LRP2: variants seen among roughly 807,000 people sequenced by gnomAD.
LRP2 encodes the protein low-density lipoprotein receptor-related protein 2.
Under a neutral mutation model 531.0 loss-of-function variants are expected in LRP2, and 172 were observed. That is an observed-to-expected ratio of 0.32 (90% CI 0.29 to 0.37). The LOEUF is 0.37. Ranked by LOEUF, LRP2 falls within the 10% of genes least tolerant of loss-of-function variation. The pLI, the probability that LRP2 is intolerant of heterozygous loss-of-function variation, is 1.00. For synonymous variants in LRP2, 1,992 were observed against 2,027.6 expected, an observed-to-expected ratio of 0.98 and a Z score of 0.47; for missense variants, 5,167 against 5,868.3, an observed-to-expected ratio of 0.88 and a Z score of 3.90.
chr2:169,166,052 C>A lies in LRP2; in HGVS notation c.11638G>T (p.Asp3880Tyr). ...CGGTTTGGTGAATTACAGGGAACAT[C>A]CACTGAAAGGAAAGATAGAAAAATG... Reference protein sequence around the residue: ...GSDEELHLCLDVPCNSPNRFR... With the variant: ...GSDEELHLCLYVPCNSPNRFR... The change falls in exon 62 of 79, where the codon GAT becomes TAT. Residue 3880 changes from aspartate to tyrosine, a missense_variant and splice_region_variant. Physicochemically the swap from Asp to Tyr is radical, Grantham distance 160. Around this residue, in one of 6 missense-constraint regions of LRP2, gnomAD observed 564 missense variants for 747.7 expected, o/e 0.75. Transcript: ENST00000649046. 6.2e-7 allele frequency: 1 copy of A among 1,613,892 alleles called. No individual in the cohort carries two copies. The highest frequency in any genetic ancestry group is 1.1e-5 in the South Asian group (1 of 91,070).
chr2:169,224,767 C>G (rs1419671290), intron 33 of LRP2, among the ~76,000 whole-genome samples: 1 of 152,108 alleles, frequency 6.6e-6, no homozygotes, highest in Non-Finnish European at 1.5e-5. Context: ...TAGGAGGAAA[C>G]AAAATAGAGC....
At chr2:169,240,494 C>G (rs1392123258) in intron 25 of LRP2, among the ~76,000 whole-genome samples, 1 of 152,160 alleles carries the variant, frequency 6.6e-6, no homozygotes, top group African/African-American at 2.4e-5. Flanking sequence ...TGAAATACTT[C>G]ACAATCATAC....
At position 169,142,789 on chromosome 2, in the gene LRP2, G is replaced by A. The variant is rs902368327; in HGVS notation, c.12993C>T (p.Pro4331=). The change falls in exon 71 of 79, where the codon CCC becomes CCT. Residue 4331 remains proline, a synonymous_variant. Transcript: ENST00000649046. ...GGCTGCAGATCTGTTTGCAAAGGTT[G>A]GGCACTGGAAAGCGGGTGAGAACAG... The part of the protein sequence containing the change: ...FHQLRYNKSV[P]NLCKQICSHL... The A allele has an allele frequency of 6.2e-7, 1 of 1,613,790 alleles. No individual in the cohort carries two copies. Among genetic ancestry groups the A allele is most frequent in the Non-Finnish European group, 8.5e-7 (1 of 1,179,874 alleles).
chr2:169,308,861 T>G (rs1395033374), intron 3 of LRP2, among the ~76,000 whole-genome samples: 1 of 152,204 alleles, frequency 6.6e-6, no homozygotes, highest in Non-Finnish European at 1.5e-5. Context: ...TGTTCCTATT[T>G]CTCCACATCC....
At chr2:169,143,708 A>T (rs1480900997) in intron 70 of LRP2, among the ~76,000 whole-genome samples, 1 of 152,212 alleles carries the variant, frequency 6.6e-6, no homozygotes. Flanking sequence ...TTCAGATTTG[A>T]ATTGGTCTGG....
intron 72 of LRP2, 180 bp from the exon 73 acceptor site, chr2:169,139,790 C>T (rs1258586291): frequency 1.2e-5 from 8 of 686,868 alleles, no homozygotes; most frequent in Non-Finnish European, 1.8e-5. Flanking sequence ...AAGAACAGTG[C>T]TCTGATTTTA....
chr2:169,148,729 A>G (rs1033908433), intron 68 of LRP2, among the ~76,000 whole-genome samples: 7 of 152,214 alleles, frequency 4.6e-5, no homozygotes, highest in African/African-American at 1.7e-4. Flanking sequence ...AAAAACACAC[A>G]AAAGGTACAC....
In LRP2 at chr2:169,211,986, C is replaced by T. The variant is rs1280533842; in HGVS notation, c.6262G>A (p.Val2088Met). ...GGCATACCTTGGCCTGCCACCGGCA[C>T]CATGGTTTCTGAATGATCTGACAAT... is the stretch of plus-strand genomic sequence containing the variant. ...LELSDHSETM[V>M]PVAGQGRNAL... The change falls in exon 37 of 79, where the codon GTG becomes ATG. Residue 2088 changes from valine (V) to methionine (M), a missense_variant. Val to Met is a conservative substitution (Grantham distance 21). Coordinates refer to ENST00000649046, the MANE Select transcript of LRP2 (RefSeq NM_004525.3). 1 of 1,613,958 alleles carries T rather than the reference C, an allele frequency of 6.2e-7. No individual in the cohort carries two copies. The highest frequency in any genetic ancestry group is 1.1e-5 in the South Asian group (1 of 91,080).
intron 48 of LRP2, among the ~76,000 whole-genome samples, chr2:169,189,822 A>G (rs1434056769): frequency 6.6e-6 from 1 of 151,922 alleles, no homozygotes; most frequent in African/African-American, 2.4e-5. Flanking sequence ...CTCTTCTACT[A>G]TAGCCCTTTT....
At position 169,137,415 on chromosome 2, in the gene LRP2, C is replaced by T; in HGVS notation, c.13597G>A (p.Val4533Ile). The change falls in exon 76 of 79, where the codon GTC (valine) becomes ATC (isoleucine). Residue 4533 changes from valine to isoleucine, a missense_variant. Val to Ile is a conservative substitution (Grantham distance 29). Coordinates refer to ENST00000649046, the MANE Select transcript of LRP2 (RefSeq NM_004525.3). ...ACCTGGATTGGCTGAACCACTTTGACAGCACTGTCTCTGGCTGAGTACATT... is the reference window on the plus strand; with the variant it reads ...ACCTGGATTGGCTGAACCACTTTGATAGCACTGTCTCTGGCTGAGTACATT... ...NPMYSARDSA[V>I]KVVQPIQVTV... 1.2e-6 allele frequency: 2 copies of T among 1,613,836 alleles called. No homozygotes were observed. The highest frequency in any genetic ancestry group is 1.1e-5 in the South Asian group (1 of 91,072).
chr2:169,205,257 G>C (rs147112898), intron 41 of LRP2, among the ~76,000 whole-genome samples: 25 of 152,196 alleles, frequency 1.6e-4, no homozygotes, highest in Middle Eastern at 3.4e-3. Flanking sequence ...TGCATCTTTA[G>C]ATGTCTTTTA....
chr2:169,195,927 A>G (rs1046693822), intron 46 of LRP2, among the ~76,000 whole-genome samples: 1 of 152,222 alleles, frequency 6.6e-6, no homozygotes, highest in Non-Finnish European at 1.5e-5. Flanking sequence ...ATATCCTGAA[A>G]ATAAAATGTT....
intron 70 of LRP2, among the ~76,000 whole-genome samples, chr2:169,145,262 T>C (rs191139531): frequency 6.6e-6 from 1 of 151,964 alleles, no homozygotes; most frequent in African/African-American, 2.4e-5. Flanking sequence ...GGCCCAGAAG[T>C]GGGAAAGTGA....
intron 24 of LRP2, among the ~76,000 whole-genome samples, chr2:169,242,458 A>G (rs1689842642): frequency 6.6e-6 from 1 of 152,182 alleles, no homozygotes; most frequent in South Asian, 2.1e-4. Flanking sequence ...ATCTTGCTTA[A>G]TTGTCTCTTG....
chr2:169,324,931 T>A (rs1685007008), intron 1 of LRP2, among the ~76,000 whole-genome samples: 1 of 151,602 alleles, frequency 6.6e-6, no homozygotes, highest in Admixed American at 6.6e-5. Flanking sequence ...CCATTATATA[T>A]CAGAGATATA....
rs200916161 is a variant in LRP2, at chr2:169,145,937, G to A, written c.12812-14C>T. 96 of 1,613,600 alleles carry A rather than the reference G, an allele frequency of 5.9e-5. No homozygotes were observed. The African/African-American group carries it at 9.5e-4, about 16-fold the overall frequency. On this transcript the variant is annotated splice_polypyrimidine_tract_variant and intron_variant, in intron 69 of 78. Transcript: ENST00000649046. ...AAGGGTTCATTGCTGCTTACCCACA[G>A]GGGAAAAACAAAACAGAAGGTTATT...
chr2:169,133,084 T>C (rs1685352003), intron 76 of LRP2, among the ~76,000 whole-genome samples: 1 of 152,242 alleles, frequency 6.6e-6, no homozygotes, highest in Non-Finnish European at 1.5e-5. Flanking sequence ...ACCTCACTGA[T>C]GAACTGAGAA....
At chr2:169,314,560 C>T (rs1057205144) in intron 3 of LRP2, among the ~76,000 whole-genome samples, 1 of 152,160 alleles carries the variant, frequency 6.6e-6, no homozygotes, top group Non-Finnish European at 1.5e-5. Context: ...CTTCTCCATG[C>T]TTAATTGATT....
intron 1 of LRP2, among the ~76,000 whole-genome samples, chr2:169,322,930 T>C (rs1157616215): frequency 1.3e-5 from 2 of 152,204 alleles, no homozygotes; most frequent in Non-Finnish European, 2.9e-5. Flanking sequence ...TAATTAATGC[T>C]ATTTCTTAAG....
Sources: allele counts gnomAD v4.1 joint callset (sites outside exome capture counted in the v4.1 genomes callset), GRCh38; gene constraint gnomAD v4.1.1; regional missense constraint gnomAD v4.1.1; transcripts MANE v1.5; gene names NCBI Gene and HGNC (gene_info 2026-07-23, HGNC 2026-07-21).